Variants in SKA2 observed in about 807,000 individuals in gnomAD.
SKA2 encodes spindle and kinetochore associated complex subunit 2.
A neutral mutation model predicts 16.9 loss-of-function variants in SKA2; 13 were observed. The observed-to-expected ratio is 0.77, with a 90% CI of 0.50 to 1.22. SKA2 has a LOEUF of 1.22. Among genes scored for constraint, SKA2 ranks in the 50% most tolerant of loss-of-function variants. SKA2 has a pLI of 0.00. For synonymous variants in SKA2, 47 were observed against 48.5 expected, an observed-to-expected ratio of 0.97 and a Z score of 0.13; for missense variants, 107 against 139.7, an observed-to-expected ratio of 0.77 and a Z score of 1.18.
intron 1 of SKA2, among the ~76,000 whole-genome samples, chr17:59,153,164 A>T (rs1368865615): frequency 6.6e-6 from 1 of 152,220 alleles, no homozygotes; most frequent in Non-Finnish European, 1.5e-5. Flanking sequence ...AGAAGCAAAC[A>T]ACCTGTTAAA....
chr17:59,139,396 CAAAAAA>C (rs113246125), intron 1 of SKA2, among the ~76,000 whole-genome samples: 1 of 50,324 alleles, frequency 2.0e-5, no homozygotes. Context: ...GACTCCGTCT[CAAAAAA>C]AAAAAAAAAA....
Position 59,110,484 on chromosome 17 carries a change from T to A in SKA2, c.*1793A>T, listed in dbSNP as rs570197965. ...TTAATATCTGATACTAAGGTGTAAC[T>A]TATTTCTCTGTAATTAAAAAAAAGG... On this transcript the variant is annotated 3_prime_UTR_variant, in exon 4 of 4. Transcript: ENST00000330137. 2 of 152,098 alleles carry A rather than the reference T, an allele frequency of 1.3e-5. No individual in the cohort carries two copies. Among genetic ancestry groups the A allele is most frequent in the African/African-American group, 4.8e-5 (2 of 41,498 alleles). 9.4% of individuals were successfully genotyped at this position (152,098 alleles called of 1,614,324 possible).
intron 1 of SKA2, among the ~76,000 whole-genome samples, chr17:59,135,766 T>C (rs1487038121): frequency 1.3e-5 from 2 of 148,704 alleles, no homozygotes; most frequent in African/African-American, 4.9e-5. Context: ...ATTTTTAAAA[T>C]ATATAAAATA....
intron 1 of SKA2, among the ~76,000 whole-genome samples, chr17:59,153,127 G>T (rs2046590107): frequency 6.6e-6 from 1 of 152,164 alleles, no homozygotes. Context: ...GCCAGACGAA[G>T]TTTAAAAATT....
chr17:59,130,201 T>G (rs2046402719), intron 2 of SKA2, among the ~76,000 whole-genome samples: 1 of 152,112 alleles, frequency 6.6e-6, no homozygotes, highest in South Asian at 2.1e-4. Context: ...CAATTTTCTA[T>G]AAAATGTTAG....
intron 3 of SKA2, among the ~76,000 whole-genome samples, chr17:59,116,577 C>T (rs1362067912): frequency 1.3e-5 from 2 of 151,850 alleles, no homozygotes; most frequent in South Asian, 4.2e-4. Flanking sequence ...ATTACAAATT[C>T]AAATACATTT....
intron 3 of SKA2, among the ~76,000 whole-genome samples, chr17:59,117,718 C>G (rs937115338): frequency 6.6e-6 from 1 of 152,002 alleles, no homozygotes; most frequent in African/African-American, 2.4e-5. Context: ...AGCCACTGTG[C>G]CCAGCATACT....
At chr17:59,139,353 C>T (rs960977628) in intron 1 of SKA2, among the ~76,000 whole-genome samples, 2 of 144,546 alleles carry the variant, frequency 1.4e-5, no homozygotes, top group Middle Eastern at 3.6e-3. Flanking sequence ...GCCGAGATGG[C>T]GCCACTGCAC....
At chr17:59,154,170 G>A (rs554902945) in intron 1 of SKA2, among the ~76,000 whole-genome samples, 1 of 122,760 alleles carries the variant, frequency 8.1e-6, no homozygotes, top group African/African-American at 3.4e-5. Context: ...AGCCCAACCT[G>A]GGAAAAAAAA....
At chr17:59,140,093 C>A (rs2046476588) in intron 1 of SKA2, among the ~76,000 whole-genome samples, 1 of 152,200 alleles carries the variant, frequency 6.6e-6, no homozygotes, top group Admixed American at 6.6e-5. Flanking sequence ...AGAACAAATG[C>A]ATGACTATGC....
chr17:59,112,618 C>A (rs2147789956), intron 3 of SKA2, among the ~76,000 whole-genome samples: 1 of 152,276 alleles, frequency 6.6e-6, no homozygotes, highest in South Asian at 2.1e-4. Context: ...CCAAAGAAGT[C>A]ATGTTTGGAT....
chr17:59,119,480 G>A lies in SKA2; in HGVS notation c.136C>T (p.Leu46Phe). Residue 46 changes from leucine to phenylalanine, a missense_variant, in exon 3 of 4, where the codon CTC becomes TTC. Coordinates refer to ENST00000330137, the MANE Select transcript of SKA2 (RefSeq NM_182620.4). ...TTTATCACTGACAATTCCTTTAAGA[G>A]TGTAACTGGATTTTTCTATGTCAGG... ...DSASEKNPVT[L>F]LKELSVIKSR... The A allele has an allele frequency of 6.2e-7, 1 of 1,613,086 alleles. No individual in the cohort carries two copies. The highest frequency in any genetic ancestry group is 2.2e-5 in the East Asian group (1 of 44,864).
intron 1 of SKA2, among the ~76,000 whole-genome samples, chr17:59,131,873 A>G (rs2046414104): frequency 2.0e-5 from 3 of 152,180 alleles, no homozygotes; most frequent in South Asian, 2.1e-4. Flanking sequence ...AAGAGTCACA[A>G]ATTTCACAAG....
chr17:59,121,686 C>T (rs1261556706), intron 2 of SKA2, among the ~76,000 whole-genome samples: 6 of 142,920 alleles, frequency 4.2e-5, no homozygotes, highest in South Asian at 2.2e-4. Context: ...CGGTGGCTCA[C>T]GCCTGTAATC....
chr17:59,147,239 CA>C (rs2046540137), intron 1 of SKA2, among the ~76,000 whole-genome samples: 1 of 152,044 alleles, frequency 6.6e-6, no homozygotes, highest in Non-Finnish European at 1.5e-5. Flanking sequence ...AAAACAAAAA[CA>C]AAAACAAAAT....
intron 3 of SKA2, among the ~76,000 whole-genome samples, chr17:59,115,304 T>C (rs1395777815): frequency 2.6e-5 from 4 of 152,046 alleles, no homozygotes; most frequent in African/African-American, 9.7e-5. Context: ...GTGATCCACC[T>C]GTCTCGGCCT....
chr17:59,147,411 C>CACACACACACA (rs2046542336), intron 1 of SKA2, among the ~76,000 whole-genome samples: 1 of 151,114 alleles, frequency 6.6e-6, no homozygotes. Context: ...CACACACACA[C>CACACACACACA]ATTTGGAATA....
intron 1 of SKA2, among the ~76,000 whole-genome samples, chr17:59,142,554 T>G (rs1599676131): frequency 6.6e-6 from 1 of 151,704 alleles, no homozygotes; most frequent in African/African-American, 2.4e-5. Context: ...CCTCCCAAAG[T>G]GCTAGGATTA....
In SKA2 at chr17:59,112,252, G is replaced by C; in HGVS notation, c.*25C>G. On this transcript the variant is annotated 3_prime_UTR_variant, in exon 4 of 4. Transcript: ENST00000330137. ...TCCGGAATTAAGCTCTTCTCTGTTA[G>C]AATTTCCTTTCCAAGTCCATTTCTT... 1 of 1,586,564 alleles carries C rather than the reference G, an allele frequency of 6.3e-7. No homozygotes were observed. Among genetic ancestry groups the C allele is most frequent in the Non-Finnish European group, 8.6e-7 (1 of 1,161,676 alleles).
Sources: allele counts gnomAD v4.1 joint callset (sites outside exome capture counted in the v4.1 genomes callset), GRCh38; gene constraint gnomAD v4.1.1; transcripts MANE v1.5; gene names NCBI Gene and HGNC (gene_info 2026-07-23, HGNC 2026-07-21).